Variants in TM4SF20 observed in about 807,000 individuals in gnomAD.
The protein encoded by TM4SF20 is transmembrane 4 L6 family member 20.
A neutral mutation model predicts 15.1 loss-of-function variants in TM4SF20; 13 were observed. The observed-to-expected ratio is 0.86, with a 90% CI of 0.56 to 1.36. The LOEUF is 1.36. Ranked by LOEUF, TM4SF20 falls within the 40% of genes most tolerant of loss-of-function variation. TM4SF20 has a pLI of 0.00. For synonymous variants in TM4SF20, 92 were observed against 96.6 expected, an observed-to-expected ratio of 0.95 and a Z score of 0.28; for missense variants, 282 against 268.4, an observed-to-expected ratio of 1.05 and a Z score of -0.35.
chr2:227,375,218 T>C (rs1575025445), intron 1 of TM4SF20, among the ~76,000 whole-genome samples: 1 of 151,870 alleles, frequency 6.6e-6, no homozygotes, highest in African/African-American at 2.4e-5. Flanking sequence ...TAAGCCACCA[T>C]ACCTGGCCAA....
chr2:227,375,173 C>T (rs2076441437), intron 1 of TM4SF20, among the ~76,000 whole-genome samples: 1 of 151,934 alleles, frequency 6.6e-6, no homozygotes, highest in South Asian at 2.1e-4. Context: ...GTGATCTACC[C>T]ACCTCAGCCT....
chr2:227,365,309 G>A (rs2076387478), intron 3 of TM4SF20, among the ~76,000 whole-genome samples: 1 of 152,176 alleles, frequency 6.6e-6, no homozygotes, highest in Admixed American at 6.5e-5. Context: ...AAAATTTTTT[G>A]TATGTAACTA....
intron 2 of TM4SF20, 76 bp downstream of exon 2, chr2:227,370,839 G>T (rs2076417546): frequency 1.7e-6 from 2 of 1,178,780 alleles, no homozygotes; most frequent in South Asian, 1.2e-5. Context: ...AGATGCGAGT[G>T]ACTCAGTGTG....
chr2:227,372,064 C>T (rs549304207), intron 1 of TM4SF20, among the ~76,000 whole-genome samples: 1 of 152,178 alleles, frequency 6.6e-6, no homozygotes, highest in East Asian at 1.9e-4. Context: ...TATTTCCTTC[C>T]GCTTGAGAAA....
chr2:227,372,300 C>G (rs1265824791), intron 1 of TM4SF20, among the ~76,000 whole-genome samples: 1 of 152,088 alleles, frequency 6.6e-6, no homozygotes, highest in African/African-American at 2.4e-5. Context: ...ATAGAAAGGA[C>G]AAATTACTCA....
At position 227,362,676 on chromosome 2, in the gene TM4SF20, T is replaced by C. The variant is rs1361978005; in HGVS notation, c.*1048A>G. On this transcript the variant is annotated 3_prime_UTR_variant, in exon 4 of 4. Coordinates refer to ENST00000304568, the MANE Select transcript of TM4SF20 (RefSeq NM_024795.4). ...AGGTGTTCAAAGTGTGTATGAGACA[T>C]AAATGAATTTTGTGGTTAGACTTGC... is the stretch of plus-strand genomic sequence containing the variant. 6.6e-6 allele frequency: 1 copy of C among 152,194 alleles called. No homozygotes were observed. Among genetic ancestry groups the C allele is most frequent in the Non-Finnish European group, 1.5e-5 (1 of 68,038 alleles). 9.4% of individuals were successfully genotyped at this position (152,194 alleles called of 1,614,324 possible).
In TM4SF20 at chr2:227,362,648, G is replaced by A. The variant is rs2076367708; in HGVS notation, c.*1076C>T. The A allele has an allele frequency of 6.6e-6, 1 of 152,146 alleles. No individual in the cohort carries two copies. 9.4% of individuals were successfully genotyped at this position (152,146 alleles called of 1,614,324 possible). On this transcript the variant is annotated 3_prime_UTR_variant, in exon 4 of 4. Coordinates refer to ENST00000304568, the MANE Select transcript of TM4SF20 (RefSeq NM_024795.4). ...AAATATTGTGTGAAATTACCTTCAG[G>A]CCAGGTGTTCAAAGTGTGTATGAGA...
At chr2:227,379,377 AG>A (rs1183914592), upstream of TM4SF20, 16 of 927,436 alleles carry the variant, frequency 1.7e-5, no homozygotes, top group Middle Eastern at 3.1e-4. Context: ...AAAAATGAAT[AG>A]TGGAAAATAG....
intron 2 of TM4SF20, among the ~76,000 whole-genome samples, chr2:227,369,523 G>A (rs555779744): frequency 6.7e-6 from 1 of 150,352 alleles, no homozygotes; most frequent in Admixed American, 6.7e-5. Context: ...TTGCCTCCTG[G>A]GTTCAAGAGA....
At chr2:227,373,258 T>C (rs928273966) in intron 1 of TM4SF20, among the ~76,000 whole-genome samples, 4 of 150,252 alleles carry the variant, frequency 2.7e-5, no homozygotes, top group Admixed American at 6.6e-5. Flanking sequence ...CATCTGATGA[T>C]GTACTGCCTC....
upstream of TM4SF20, among the ~76,000 whole-genome samples, chr2:227,380,257 G>C (rs1020346354): frequency 1.3e-5 from 2 of 152,228 alleles, no homozygotes; most frequent in African/African-American, 4.8e-5. Flanking sequence ...TTGAACCTGG[G>C]GGGTGGAGGT....
chr2:227,369,522 G>C (rs1241976412), intron 2 of TM4SF20, among the ~76,000 whole-genome samples: 1 of 147,808 alleles, frequency 6.8e-6, no homozygotes, highest in African/African-American at 2.5e-5. Flanking sequence ...TTTGCCTCCT[G>C]GGTTCAAGAG....
chr2:227,374,173 G>A (rs905913908), intron 1 of TM4SF20, among the ~76,000 whole-genome samples: 1 of 149,640 alleles, frequency 6.7e-6, no homozygotes, highest in African/African-American at 2.5e-5. Context: ...GATGCAAACT[G>A]AACTCTGGTA....
Position 227,362,142 on chromosome 2 carries a change from TA to T in TM4SF20, c.*1581del, listed in dbSNP as rs2076364830. 6.6e-6 allele frequency: 1 copy of T among 152,190 alleles called. No homozygotes were observed. Among genetic ancestry groups the T allele is most frequent in the Non-Finnish European group, 1.5e-5 (1 of 68,014 alleles). 9.4% of individuals were successfully genotyped at this position (152,190 alleles called of 1,614,324 possible). A position where few individuals can be genotyped will look rare whatever the true frequency, so the allele number is the denominator to read the frequency against. ...AACATAAACAATTGAAATATAGAAATAACATTCAGAAAATTTTAGATTTTTA... is the reference window on the plus strand; with the variant it reads ...AACATAAACAATTGAAATATAGAAATACATTCAGAAAATTTTAGATTTTTA... On this transcript the variant is annotated 3_prime_UTR_variant, in exon 4 of 4. Coordinates refer to ENST00000304568, the MANE Select transcript of TM4SF20 (RefSeq NM_024795.4).
intron 2 of TM4SF20, among the ~76,000 whole-genome samples, chr2:227,369,392 A>T (rs1255510802): frequency 6.6e-6 from 1 of 150,512 alleles, no homozygotes; most frequent in Non-Finnish European, 1.5e-5. Flanking sequence ...GTATTTTTTT[A>T]AATCTCTTTA....
intron 1 of TM4SF20, among the ~76,000 whole-genome samples, chr2:227,372,494 A>T (rs2076425883): frequency 6.6e-6 from 1 of 151,980 alleles, no homozygotes; most frequent in African/African-American, 2.4e-5. Context: ...AAATACAAAA[A>T]TTAGCTGGGC....
intron 1 of TM4SF20, among the ~76,000 whole-genome samples, chr2:227,372,332 G>A (rs982692550): frequency 5.3e-5 from 8 of 152,076 alleles, no homozygotes; most frequent in Non-Finnish European, 1.2e-4. Context: ...TACTTTCTTG[G>A]TAGAAGGGTT....
At chr2:227,372,357 G>A (rs935406938) in intron 1 of TM4SF20, among the ~76,000 whole-genome samples, 1 of 152,142 alleles carries the variant, frequency 6.6e-6, no homozygotes, top group African/African-American at 2.4e-5. Flanking sequence ...TTCAAAACTA[G>A]TCATTTGGCT....
At chr2:227,381,008 C>A (rs144154715), upstream of TM4SF20, among the ~76,000 whole-genome samples, 1 of 152,162 alleles carries the variant, frequency 6.6e-6, no homozygotes, top group Non-Finnish European at 1.5e-5. Context: ...GGCATGGTGG[C>A]TCACCCCTGT....
Sources: gnomAD v4.1 joint callset for allele counts (sites outside exome capture counted in the v4.1 genomes callset) on GRCh38, gnomAD v4.1.1 for gene constraint, MANE v1.5 for transcripts, NCBI Gene and HGNC (gene_info 2026-07-23, HGNC 2026-07-21) for gene names.